SNX29: variants seen among roughly 807,000 people sequenced by gnomAD.
The protein encoded by SNX29 is sorting nexin 29.
In SNX29, 78 loss-of-function variants were observed where a neutral mutation model predicts 102.1. The ratio of observed to expected loss-of-function variants is 0.76; its 90% confidence interval spans 0.64 to 0.92. The LOEUF is 0.92. Among genes scored for constraint, SNX29 ranks in the 40% least tolerant of loss-of-function variants. SNX29 has a pLI of 0.00. For synonymous variants in SNX29, 580 were observed against 414.5 expected, an observed-to-expected ratio of 1.40 and a Z score of -4.85; for missense variants, 1,280 against 1,061.7, an observed-to-expected ratio of 1.21 and a Z score of -2.86.
intron 11 of SNX29, 148 bp from the exon 12 acceptor site, chr16:12,126,485 C>T (rs1019207235): frequency 6.5e-6 from 5 of 770,444 alleles, no homozygotes; most frequent in African/African-American, 3.5e-5. Flanking sequence ...AGCCGAGTCT[C>T]TTAGACTGTT....
chr16:12,417,117 A>G (rs2084668306), intron 18 of SNX29, among the ~76,000 whole-genome samples: 1 of 152,236 alleles, frequency 6.6e-6, no homozygotes, highest in South Asian at 2.1e-4. Flanking sequence ...TTGGGAGCCT[A>G]CCATTCCATG....
chr16:12,506,934 C>G (rs1034869062), intron 19 of SNX29, among the ~76,000 whole-genome samples: 1 of 151,850 alleles, frequency 6.6e-6, no homozygotes, highest in Non-Finnish European at 1.5e-5. Flanking sequence ...TTTTTGCATT[C>G]GTTTGTCTGA....
intron 3 of SNX29, among the ~76,000 whole-genome samples, chr16:12,024,607 G>C (rs980260670): frequency 1.3e-5 from 2 of 152,164 alleles, no homozygotes; most frequent in Non-Finnish European, 2.9e-5. Flanking sequence ...GCAGTGTTAG[G>C]TTAGTTGTGA....
intron 13 of SNX29, among the ~76,000 whole-genome samples, chr16:12,175,398 G>T (rs1596430500): frequency 6.6e-6 from 1 of 152,134 alleles, no homozygotes; most frequent in East Asian, 1.9e-4. Flanking sequence ...GGAGACCATG[G>T]CAGGTGGATC....
At chr16:12,363,917 A>G (rs968751225) in intron 16 of SNX29, among the ~76,000 whole-genome samples, 1 of 152,246 alleles carries the variant, frequency 6.6e-6, no homozygotes, top group African/African-American at 2.4e-5. Flanking sequence ...GGGTGCCAAC[A>G]GGATGCTCAA....
Position 12,467,874 on chromosome 16 carries a change from C to T in SNX29, c.2038-9845C>T, listed in dbSNP as rs1203068992. ...CAGCACTGACAGTTGAGCCAGAAACCTCACGGAGTGAGGGGATAGGCATCG... is the reference window on the plus strand; with the variant it reads ...CAGCACTGACAGTTGAGCCAGAAACTTCACGGAGTGAGGGGATAGGCATCG... On this transcript the variant is annotated intron_variant, in intron 18 of 20. Coordinates refer to ENST00000566228, the MANE Select transcript of SNX29 (RefSeq NM_032167.5). Among the ~76,000 whole-genome samples the T allele has an allele frequency of 4.6e-5, 7 of 152,176 alleles. 1 individual carries two copies. The highest frequency in any genetic ancestry group is 1.3e-4 in the Admixed American group (2 of 15,278).
At chr16:12,564,680 C>G (rs988697766) in intron 20 of SNX29, among the ~76,000 whole-genome samples, 11 of 150,170 alleles carry the variant, frequency 7.3e-5, no homozygotes, top group African/African-American at 2.5e-4. Context: ...CCACACATTC[C>G]TCTGTTGCTT....
At chr16:12,474,908 CGTGTGCTGGTACGCCCAT>C (rs1450227209) in intron 18 of SNX29, among the ~76,000 whole-genome samples, 1 of 152,198 alleles carries the variant, frequency 6.6e-6, no homozygotes, top group Non-Finnish European at 1.5e-5. Flanking sequence ...AGTACGCCCA[CGTGTGCTGGTACGCCCAT>C]CTGGATGTGA....
At chr16:12,492,262 GC>G (rs1421171588) in intron 19 of SNX29, among the ~76,000 whole-genome samples, 3 of 152,190 alleles carry the variant, frequency 2.0e-5, no homozygotes, top group Non-Finnish European at 4.4e-5. Flanking sequence ...GTTTTGATTT[GC>G]ATTTCTCTCA....
chr16:12,239,874 T>A (rs1306103739), intron 14 of SNX29, among the ~76,000 whole-genome samples: 2 of 152,008 alleles, frequency 1.3e-5, no homozygotes, highest in Non-Finnish European at 2.9e-5. Flanking sequence ...TTTTTTAAAG[T>A]AGCACCAGGA....
In SNX29 at chr16:12,569,288, T is replaced by TC. The variant is rs1008675989; in HGVS notation, c.*664dup. On this transcript the variant is annotated 3_prime_UTR_variant, in exon 21 of 21. Transcript: ENST00000566228. ...TTGAGTTCAGAGAACTTCCCCTACC[T>TC]CCCCCATGGCTGGCTTCAGGAAGGA... The TC allele has an allele frequency of 1.4e-4, 33 of 228,078 alleles. No homozygotes were observed. Among genetic ancestry groups the TC allele is most frequent in the African/African-American group, 6.4e-4 (29 of 45,018 alleles). 14.1% of individuals were successfully genotyped at this position (228,078 alleles called of 1,614,324 possible).
At position 12,120,244 on chromosome 16, in the gene SNX29, T is replaced by C. The variant is rs143484023; in HGVS notation, c.1403-6389T>C. Reference sequence around the variant, plus strand: ...ATGATGTAGGTTAAGTCCATCCCTGTAGAGGAACATTCTTTATTTGTGCAT... The same window carrying C: ...ATGATGTAGGTTAAGTCCATCCCTGCAGAGGAACATTCTTTATTTGTGCAT... On this transcript the variant is annotated intron_variant, in intron 11 of 20. Transcript: ENST00000566228. 6.0e-3 allele frequency among the ~76,000 whole-genome samples: 920 copies of C among 152,350 alleles called. 5 individuals carry two copies. The highest frequency in any genetic ancestry group is 9.6e-3 in the Admixed American group (147 of 15,300).
intron 11 of SNX29, among the ~76,000 whole-genome samples, chr16:12,118,671 A>G (rs998348716): frequency 6.6e-6 from 1 of 152,176 alleles, no homozygotes; most frequent in East Asian, 1.9e-4. Flanking sequence ...GTGGAAAGGT[A>G]TAAAATTAAG....
At chr16:12,526,792 G>A (rs2076796093) in intron 20 of SNX29, 1 of 420,188 alleles carries the variant, frequency 2.4e-6, no homozygotes. Context: ...ACCCCCTGCG[G>A]GGTCCACAGC....
chr16:12,214,203 G>A (rs778201297), intron 14 of SNX29, among the ~76,000 whole-genome samples: 4 of 152,158 alleles, frequency 2.6e-5, no homozygotes, highest in African/African-American at 4.8e-5. Flanking sequence ...ATCGATTCAC[G>A]ATTGTTGTTC....
intron 15 of SNX29, among the ~76,000 whole-genome samples, chr16:12,333,069 T>G (rs964331357): frequency 7.2e-5 from 11 of 151,820 alleles, no homozygotes; most frequent in Non-Finnish European, 1.5e-4. Flanking sequence ...GCAGTGTGCA[T>G]TTGTTCATTC....
chr16:12,370,096 C>CCCT (rs1441698694), intron 16 of SNX29, among the ~76,000 whole-genome samples: 1 of 151,504 alleles, frequency 6.6e-6, no homozygotes, highest in Non-Finnish European at 1.5e-5. Flanking sequence ...GTAGCATGTG[C>CCCT]CCTTAATCCC....
intron 20 of SNX29, among the ~76,000 whole-genome samples, chr16:12,563,796 C>G (rs528082635): frequency 4.4e-4 from 67 of 152,362 alleles, no homozygotes; most frequent in African/African-American, 1.6e-3. Context: ...AAGACTGCAA[C>G]ACCCACCCAT....
At chr16:12,428,928 G>A (rs948369219) in intron 18 of SNX29, among the ~76,000 whole-genome samples, 3 of 151,980 alleles carry the variant, frequency 2.0e-5, no homozygotes, top group East Asian at 1.9e-4. Flanking sequence ...ACACAGATAC[G>A]ATTGCAACTA....
Sources: allele counts gnomAD v4.1 joint callset (sites outside exome capture counted in the v4.1 genomes callset), GRCh38; gene constraint gnomAD v4.1.1; transcripts MANE v1.5; gene names NCBI Gene and HGNC (gene_info 2026-07-23, HGNC 2026-07-21).